ZNF638: variants seen among roughly 807,000 people sequenced by gnomAD.
ZNF638 encodes the protein zinc finger protein 638, also known as CTCL tumor antigen se33-1.
A neutral mutation model predicts 195.6 loss-of-function variants in ZNF638; 46 were observed. The observed-to-expected ratio is 0.24, with a 90% CI of 0.19 to 0.30. The LOEUF is 0.30. Ranked by LOEUF, ZNF638 falls within the 10% of genes least tolerant of loss-of-function variation. The pLI is 1.00. For synonymous variants in ZNF638, 845 were observed against 772.0 expected (o/e 1.09, Z -1.57); for missense variants, 2,440 against 2,325.3 (o/e 1.05, Z -1.01).
At chr2:71,379,995 G>A in intron 8 of ZNF638, 1 of 330,642 alleles carries the variant, frequency 3.0e-6, no homozygotes, top group Non-Finnish European at 5.6e-6. Context: ...AGGGGTCTTG[G>A]ATAAGGAGAA....
chr2:71,337,024 A>G (rs768042326), intron 1 of ZNF638, among the ~76,000 whole-genome samples: 4 of 152,212 alleles, frequency 2.6e-5, no homozygotes, highest in Non-Finnish European at 5.9e-5. Flanking sequence ...CTAACAGTCA[A>G]TAGTTAGGAA....
rs1175286179 is a variant in ZNF638, at chr2:71,363,174, G to C, written c.1401G>C (p.Glu467Asp). The C allele has an allele frequency of 6.3e-7, 1 of 1,595,398 alleles. No individual in the cohort carries two copies. Among genetic ancestry groups the C allele is most frequent in the Non-Finnish European group, 8.6e-7 (1 of 1,169,086 alleles). ...ATAGGTATCCTGATTGGAATCCTGA[G>C]ATCCTCCCATCGAGAAGGTAATTTT... ...LRQQYPDWNPEILPSRRNEGN... is the reference protein window; with the variant it reads ...LRQQYPDWNPDILPSRRNEGN... The change falls in exon 4 of 28, where the codon GAG becomes GAC. Residue 467 changes from glutamate to aspartate, a missense_variant. Coordinates refer to ENST00000264447, the MANE Select transcript of ZNF638 (RefSeq NM_014497.5).
intron 16 of ZNF638, 121 bp from the exon 17 acceptor site, chr2:71,403,749 A>G (rs1318496577): frequency 4.8e-6 from 3 of 622,878 alleles, no homozygotes; most frequent in Non-Finnish European, 7.6e-6. Flanking sequence ...TTATCTTTAA[A>G]ATATTTACTA....
chr2:71,417,696 TA>T (rs759317194), intron 20 of ZNF638, among the ~76,000 whole-genome samples: 5 of 151,992 alleles, frequency 3.3e-5, no homozygotes, highest in East Asian at 3.9e-4. Context: ...CTTTTCTCCT[TA>T]ATGGAAAGCT....
intron 6 of ZNF638, among the ~76,000 whole-genome samples, chr2:71,367,279 A>G (rs2079217071): frequency 6.6e-6 from 1 of 151,590 alleles, no homozygotes; most frequent in Non-Finnish European, 1.5e-5. Context: ...AATAAGAGAA[A>G]TGGGGGTCTC....
At chr2:71,350,330 A>G in intron 2 of ZNF638, 59 bp downstream of exon 2, 1 of 1,508,904 alleles carries the variant, frequency 6.6e-7, no homozygotes, top group East Asian at 2.3e-5. Flanking sequence ...TTTTCTCTAA[A>G]TTCTGATATG....
intron 22 of ZNF638, 21 bp from the exon 23 acceptor site, chr2:71,424,629 A>G: frequency 1.3e-6 from 2 of 1,582,996 alleles, no homozygotes; most frequent in South Asian, 1.2e-5. Flanking sequence ...GTTTTTCTGT[A>G]TTTCTTATTT....
rs148213573 is a variant in ZNF638, at chr2:71,369,922, A to G, written c.2182A>G (p.Ile728Val). The G allele has an allele frequency of 2.0e-5, 32 of 1,594,050 alleles. 1 individual carries two copies. The African/African-American group carries it at 3.4e-4, about 17-fold the overall frequency. The change falls in exon 8 of 28, where the codon ATT (isoleucine) becomes GTT (valine). Residue 728 changes from isoleucine (I) to valine (V), a missense_variant. Around this residue, in one of 5 missense-constraint regions of ZNF638, gnomAD observed 1,883 missense variants for 1,739.1 expected, o/e 1.08. Transcript: ENST00000264447. Reference protein sequence around the residue: ...EMEFKEAITAIMKYIETTPLT... With the variant: ...EMEFKEAITAVMKYIETTPLT... ...GGAATTTAAAGAGGCAATTACTGCAATTATGAAGTACATTGAAACAACACC... is the reference window on the plus strand; with the variant it reads ...GGAATTTAAAGAGGCAATTACTGCAGTTATGAAGTACATTGAAACAACACC...
At chr2:71,343,621 G>A (rs1360417365) in intron 1 of ZNF638, among the ~76,000 whole-genome samples, 1 of 152,114 alleles carries the variant, frequency 6.6e-6, no homozygotes, top group Non-Finnish European at 1.5e-5. Flanking sequence ...ATAGAAGAGA[G>A]ATTAGATTGT....
chr2:71,418,630 A>C lies in ZNF638; in HGVS notation c.3290A>C (p.Glu1097Ala). ...CAAATTGAGCATGACCCAGAATTAG[A>C]AAAAGAAAGGTATGTTGCTTTATGT... Reference protein sequence around the residue: ...EVQIEHDPELEKESPGLKNSP... With the variant: ...EVQIEHDPELAKESPGLKNSP... The change falls in exon 21 of 28, where the codon GAA becomes GCA. Residue 1097 changes from glutamate to alanine, a missense_variant. By Grantham distance (107) the Glu-to-Ala change is moderately radical. Coordinates refer to ENST00000264447, the MANE Select transcript of ZNF638 (RefSeq NM_014497.5). 6.4e-7 allele frequency: 1 copy of C among 1,565,352 alleles called. No homozygotes were observed. Among genetic ancestry groups the C allele is most frequent in the Non-Finnish European group, 8.6e-7 (1 of 1,156,192 alleles).
intron 6 of ZNF638, among the ~76,000 whole-genome samples, chr2:71,367,504 G>T (rs1027631222): frequency 2.9e-4 from 43 of 149,536 alleles, no homozygotes; most frequent in Non-Finnish European, 3.7e-4. Context: ...CGTGATCTTG[G>T]CTCACACAAC....
intron 20 of ZNF638, among the ~76,000 whole-genome samples, chr2:71,411,372 T>C (rs2152588788): frequency 6.6e-6 from 1 of 151,668 alleles, no homozygotes; most frequent in East Asian, 1.9e-4. Context: ...CTGGAAATAA[T>C]ACCAGCACTG....
chr2:71,363,703 C>T (rs375609176), intron 4 of ZNF638, among the ~76,000 whole-genome samples: 14 of 152,096 alleles, frequency 9.2e-5, no homozygotes, highest in South Asian at 8.3e-4. Flanking sequence ...AATTCATTAT[C>T]GTATTCTTCT....
chr2:71,404,607 C>T (rs1159727783), intron 17 of ZNF638, among the ~76,000 whole-genome samples: 1 of 152,150 alleles, frequency 6.6e-6, no homozygotes, highest in Non-Finnish European at 1.5e-5. Flanking sequence ...GTCCCAGCTC[C>T]TCAGGATGCT....
intron 1 of ZNF638, 82 bp downstream of exon 1, chr2:71,331,957 TC>T (rs2078576639): frequency 1.0e-6 from 1 of 981,300 alleles, no homozygotes; most frequent in South Asian, 4.7e-5. Context: ...TCCTGTGAGA[TC>T]CGGGCCGACT....
chr2:71,399,596 G>A lies in ZNF638; in HGVS notation c.2538G>A (p.Lys846=), dbSNP rs760073675. 5.6e-6 allele frequency: 9 copies of A among 1,612,752 alleles called. No homozygotes were observed. Among genetic ancestry groups the A allele is most frequent in the Non-Finnish European group, 6.8e-6 (8 of 1,179,254 alleles). Residue 846 remains lysine, a synonymous_variant, in exon 13 of 28, where the codon AAG becomes AAA. Transcript: ENST00000264447. The part of the protein sequence containing the change: ...SGGKKSLEAK[K]TGNVKNKDSN... ...GAAAGAAGTCTCTAGAAGCCAAAAA[G>A]ACTGGGAATGTCAAAAACAAAGACT...
intron 1 of ZNF638, among the ~76,000 whole-genome samples, chr2:71,337,511 C>CA (rs2078690582): frequency 6.6e-6 from 1 of 152,118 alleles, no homozygotes; most frequent in South Asian, 2.1e-4. Context: ...CTCCTGGGCT[C>CA]AAGCGATCCT....
intron 8 of ZNF638, among the ~76,000 whole-genome samples, chr2:71,371,557 G>T (rs2079313595): frequency 6.6e-6 from 1 of 152,158 alleles, no homozygotes; most frequent in African/African-American, 2.4e-5. Context: ...GGGTAAGATG[G>T]TATCTCATTG....
chr2:71,343,173 C>T (rs980289044), intron 1 of ZNF638, among the ~76,000 whole-genome samples: 1 of 152,070 alleles, frequency 6.6e-6, no homozygotes, highest in Non-Finnish European at 1.5e-5. Flanking sequence ...TACTGACAAA[C>T]GTTACTGAAA....
Sources: allele counts gnomAD v4.1 joint callset (sites outside exome capture counted in the v4.1 genomes callset), GRCh38; gene constraint gnomAD v4.1.1; regional missense constraint gnomAD v4.1.1; transcripts MANE v1.5; gene names NCBI Gene and HGNC (gene_info 2026-07-23, HGNC 2026-07-21).